The following NKD1 variants were observed in gnomAD, a reference collection of about 807,000 sequenced individuals.
The protein encoded by NKD1 is NKD inhibitor of Wnt signaling pathway 1.
A neutral mutation model predicts 56.0 loss-of-function variants in NKD1; 21 were observed. The ratio of observed to expected loss-of-function variants is 0.38; its 90% CI spans 0.27 to 0.54. The LOEUF is 0.54. NKD1 is among the 20% of genes least tolerant of loss of function. The pLI, the probability that NKD1 is intolerant of heterozygous loss-of-function variation, is 0.82. For missense variants in NKD1, 578 were observed against 642.7 expected, an observed-to-expected ratio of 0.90 and a Z score of 1.09; for synonymous variants, 263 against 265.7, an observed-to-expected ratio of 0.99 and a Z score of 0.10.
chr16:50,578,502 G>C (rs942592922), intron 3 of NKD1, among the ~76,000 whole-genome samples: 1 of 152,104 alleles, frequency 6.6e-6, no homozygotes, highest in Non-Finnish European at 1.5e-5. Context: ...TCTTCAGCTG[G>C]CCATGTCCAG....
At chr16:50,592,605 C>T (rs922512756) in intron 3 of NKD1, among the ~76,000 whole-genome samples, 1 of 152,230 alleles carries the variant, frequency 6.6e-6, no homozygotes, top group Non-Finnish European at 1.5e-5. Context: ...GGGGAGCCTG[C>T]AAGCCACAAG....
intron 3 of NKD1, among the ~76,000 whole-genome samples, chr16:50,584,173 A>G (rs1294345694): frequency 6.6e-6 from 1 of 152,230 alleles, no homozygotes; most frequent in Non-Finnish European, 1.5e-5. Context: ...CTAGATCAGA[A>G]TTGGCTGGGA....
Position 50,621,707 on chromosome 16 carries a change from A to G in NKD1, c.365A>G (p.Glu122Gly), listed in dbSNP as rs1162447262. 2.5e-6 allele frequency: 4 copies of G among 1,612,446 alleles called. No individual in the cohort carries two copies. Among genetic ancestry groups the G allele is most frequent in the Non-Finnish European group, 3.4e-6 (4 of 1,178,836 alleles). Residue 122 changes from glutamate (E) to glycine (G), a missense_variant and splice_region_variant, in exon 5 of 10, where the codon GAA becomes GGA. Coordinates refer to ENST00000268459, the MANE Select transcript of NKD1 (RefSeq NM_033119.5). ...GGCTCCAAGAAGCAGCTGAAGTTTG[A>G]AGTAAGTTTCCTTTTGGTGCTGGGT... ...CPGSKKQLKF[E>G]ELQCDVSMEE...
chr16:50,602,281 A>G (rs917032515), intron 3 of NKD1, among the ~76,000 whole-genome samples: 3 of 152,168 alleles, frequency 2.0e-5, no homozygotes, highest in African/African-American at 7.2e-5. Context: ...GTATAGCCCT[A>G]GAGAAGAGAT....
rs766638880 is a variant in NKD1, at chr16:50,633,806, G to C, written c.*25G>C. 7 of 1,274,414 alleles carry C rather than the reference G, an allele frequency of 5.5e-6. No homozygotes were observed. The highest frequency in any genetic ancestry group is 1.5e-5 in the African/African-American group (1 of 66,048). 78.9% of individuals were successfully genotyped at this position (1,274,414 alleles called of 1,614,324 possible). On this transcript the variant is annotated 3_prime_UTR_variant, in exon 10 of 10. Coordinates refer to ENST00000268459, the MANE Select transcript of NKD1 (RefSeq NM_033119.5). This position sits in a 1 kb window ranked among gnomAD's most constrained non-coding sequence, Gnocchi z 4.9. ...GAGCCCCTCCCCAGGGCCCCACCCTGCCATATGAAGGACCCCACCCCCGAC... is the reference window on the plus strand; with the variant it reads ...GAGCCCCTCCCCAGGGCCCCACCCTCCCATATGAAGGACCCCACCCCCGAC...
chr16:50,595,383 G>T (rs1389068330), intron 3 of NKD1, among the ~76,000 whole-genome samples: 1 of 152,146 alleles, frequency 6.6e-6, no homozygotes, highest in Non-Finnish European at 1.5e-5. Flanking sequence ...CATTTTTCTA[G>T]GGGGACATTC....
At chr16:50,602,204 A>G (rs891720919) in intron 3 of NKD1, among the ~76,000 whole-genome samples, 3 of 152,286 alleles carry the variant, frequency 2.0e-5, no homozygotes, top group Non-Finnish European at 2.9e-5. Flanking sequence ...GGGGAGAGGT[A>G]TATGTGAGAG....
Position 50,612,877 on chromosome 16 carries a change from A to G in NKD1, c.259+4517A>G, listed in dbSNP as rs1176954762. Among the ~76,000 whole-genome samples, 3 of 152,188 alleles carry G rather than the reference A, an allele frequency of 2.0e-5. No individual in the cohort carries two copies. The East Asian group carries it at 5.8e-4, about 29-fold the overall frequency. ...ACTGCTGGATTCTGACCTCTGTTTT[A>G]AGAAGTTAATTCTGGCTTCTGGGAG... On this transcript the variant is annotated intron_variant, in intron 4 of 9. Transcript: ENST00000268459.
At chr16:50,626,283 A>G (rs1962212612) in intron 6 of NKD1, among the ~76,000 whole-genome samples, 1 of 152,228 alleles carries the variant, frequency 6.6e-6, no homozygotes, top group Admixed American at 6.5e-5. Flanking sequence ...AGCAGGGAAC[A>G]AAACAGACAC....
Position 50,548,412 on chromosome 16 carries a change from C to G in NKD1, c.-142C>G. 1 of 323,524 alleles carries G rather than the reference C, an allele frequency of 3.1e-6. No individual in the cohort carries two copies. The highest frequency in any genetic ancestry group is 4.7e-6 in the Non-Finnish European group (1 of 210,990). The allele number at this position is 323,524 out of a possible 1,614,324, so 20.0% of individuals were successfully genotyped here. On this transcript the variant is annotated 5_prime_UTR_variant, in exon 1 of 10. Transcript: ENST00000268459. ...CCGGGCGTCAGTCGGGCCGCGGCGA[C>G]GGCGGCAGGAGCGCGTCCCGGCGCC...
intron 3 of NKD1, among the ~76,000 whole-genome samples, chr16:50,567,041 C>T (rs73587999): frequency 0.022 from 3,254 of 147,420 alleles, 121 homozygotes; most frequent in African/African-American, 0.077. Flanking sequence ...AATTGCATTA[C>T]TTCACTCCTT....
In NKD1 at chr16:50,638,626, G is replaced by A. The variant is rs1295138202; in HGVS notation, c.*4845G>A. 6.6e-6 allele frequency: 1 copy of A among 152,256 alleles called. No homozygotes were observed. Among genetic ancestry groups the A allele is most frequent in the Non-Finnish European group, 1.5e-5 (1 of 68,072 alleles). The allele number at this position is 152,256 out of a possible 1,614,324, so 9.4% of individuals were successfully genotyped here. The stretch of plus-strand genomic sequence containing the variant: ...CCTTTGTGTGGGGCTCTGATCTGAT[G>A]TTCGGTCTCATCATCTCCCAAACCA... On this transcript the variant is annotated 3_prime_UTR_variant, in exon 10 of 10. Transcript: ENST00000268459.
intron 3 of NKD1, among the ~76,000 whole-genome samples, chr16:50,584,205 G>A (rs993904779): frequency 6.6e-6 from 1 of 152,192 alleles, no homozygotes; most frequent in African/African-American, 2.4e-5. Flanking sequence ...TCCTTGTTGT[G>A]TATGTCCTAT....
chr16:50,602,898 C>A (rs941034084), intron 3 of NKD1, among the ~76,000 whole-genome samples: 1 of 152,226 alleles, frequency 6.6e-6, no homozygotes, highest in Non-Finnish European at 1.5e-5. Flanking sequence ...TTCCTGACTG[C>A]AGGTTAACAG....
Position 50,626,735 on chromosome 16 carries a change from CCCTGTCCCTCTCTGATGA to C in NKD1, c.462+1166_462+1183del, listed in dbSNP as rs547956118. ...TTACACTTCCTCATTCCTTTTCCTC[CCCTGTCCCTCTCTGATGA>C]CCTGTCCCTCCCCGAGAGGACCCCA... On this transcript the variant is annotated intron_variant, in intron 6 of 9. Transcript: ENST00000268459. 1.1e-3 allele frequency among the ~76,000 whole-genome samples: 160 copies of C among 152,330 alleles called. 1 individual carries two copies. Among genetic ancestry groups the C allele is most frequent in the African/African-American group, 3.7e-3 (155 of 41,576 alleles).
At chr16:50,625,261 C>T (rs1962183368) in intron 5 of NKD1, 1 of 584,412 alleles carries the variant, frequency 1.7e-6, no homozygotes, top group Non-Finnish European at 3.1e-6. Context: ...CCACCAGGCA[C>T]CCCTGCAGGC....
intron 3 of NKD1, among the ~76,000 whole-genome samples, chr16:50,584,087 G>A (rs1411593673): frequency 2.6e-5 from 4 of 152,330 alleles, no homozygotes; most frequent in Non-Finnish European, 5.9e-5. Flanking sequence ...GTAGGTGGGA[G>A]CTGTATGGAC....
chr16:50,557,269 C>T (rs1390470187), intron 3 of NKD1: 1 of 152,202 alleles, frequency 6.6e-6, no homozygotes, highest in South Asian at 2.1e-4. Context: ...CAGAACTCAT[C>T]TGGGGTGTTT....
chr16:50,579,549 C>T (rs1185063896), intron 3 of NKD1, among the ~76,000 whole-genome samples: 2 of 120,550 alleles, frequency 1.7e-5, no homozygotes, highest in East Asian at 2.4e-4. Flanking sequence ...CCACTACACA[C>T]GCACTCTAAC....
Sources: allele counts gnomAD v4.1 joint callset (sites outside exome capture counted in the v4.1 genomes callset), GRCh38; gene constraint gnomAD v4.1.1; non-coding constraint Gnocchi (gnomAD v3.1); transcripts MANE v1.5; gene names NCBI Gene and HGNC (gene_info 2026-07-23, HGNC 2026-07-21).